The following KANSL1L variants were observed in gnomAD, a reference collection of about 807,000 sequenced individuals.
KANSL1L encodes KAT8 regulatory NSL complex subunit 1-like protein.
Under a neutral mutation model 108.6 loss-of-function variants are expected in KANSL1L, and 25 were observed. The ratio of observed to expected loss-of-function variants is 0.23; its 90% CI spans 0.17 to 0.32. KANSL1L has a LOEUF of 0.32. Among genes scored for constraint, KANSL1L ranks in the 10% least tolerant of loss-of-function variants. The pLI is 1.00. For missense variants in KANSL1L, 1,137 were observed against 1,125.7 expected, an observed-to-expected ratio of 1.01 and a Z score of -0.14; for synonymous variants, 405 against 395.1, an observed-to-expected ratio of 1.03 and a Z score of -0.30.
chr2:210,023,029 G>A lies in KANSL1L; in HGVS notation c.2884C>T (p.His962Tyr), dbSNP rs1303646556. The change falls in exon 15 of 15, where the codon CAT becomes TAT. Residue 962 changes from histidine (H) to tyrosine (Y), a missense_variant. His to Tyr is a moderately conservative substitution (Grantham distance 83). Coordinates refer to ENST00000281772, the MANE Select transcript of KANSL1L (RefSeq NM_152519.4). ...ATTCCATCTGACTGCTTTTTTGGAT[G>A]GTGGCCATTCTCTGGTACACTGGTA... ...FGTSVPENGH[H>Y]PKKQSDGMEE... The A allele has an allele frequency of 1.2e-6, 2 of 1,613,722 alleles. No homozygotes were observed. Among genetic ancestry groups the A allele is most frequent in the Admixed American group, 1.7e-5 (1 of 59,986 alleles).
chr2:210,113,550 A>G (rs1186038715), intron 3 of KANSL1L, among the ~76,000 whole-genome samples: 1 of 152,182 alleles, frequency 6.6e-6, no homozygotes, highest in African/African-American at 2.4e-5. Flanking sequence ...GAAACAGGAA[A>G]AATGGAGCAT....
chr2:210,049,096 T>A (rs1363687904), intron 6 of KANSL1L, among the ~76,000 whole-genome samples: 1 of 152,152 alleles, frequency 6.6e-6, no homozygotes, highest in Non-Finnish European at 1.5e-5. Context: ...AGCCGGCCAT[T>A]GGAGACTCTT....
intron 2 of KANSL1L, among the ~76,000 whole-genome samples, chr2:210,138,639 T>C (rs1002930723): frequency 7.2e-5 from 11 of 152,214 alleles, no homozygotes; most frequent in Non-Finnish European, 1.2e-4. Context: ...ATATTACATA[T>C]TTATGGTGTA....
chr2:210,038,348 G>A (rs947412081), intron 8 of KANSL1L, among the ~76,000 whole-genome samples: 6 of 151,894 alleles, frequency 4.0e-5, no homozygotes, highest in East Asian at 1.9e-4. Flanking sequence ...AAAAAAATAC[G>A]TAGTTTAAAC....
intron 2 of KANSL1L, among the ~76,000 whole-genome samples, chr2:210,129,800 G>A (rs1191621673): frequency 6.6e-6 from 1 of 151,844 alleles, no homozygotes; most frequent in Non-Finnish European, 1.5e-5. Context: ...CTGATTCCTA[G>A]GATTCACAAC....
chr2:210,153,907 G>C lies in KANSL1L; in HGVS notation c.676C>G (p.His226Asp). 6.2e-7 allele frequency: 1 copy of C among 1,613,242 alleles called. No homozygotes were observed. Among genetic ancestry groups the C allele is most frequent in the Non-Finnish European group, 8.5e-7 (1 of 1,179,894 alleles). Residue 226 changes from histidine (H) to aspartate (D), a missense_variant, in exon 2 of 15, where the codon CAT becomes GAT. His to Asp is a moderately conservative substitution (Grantham distance 81). Around this residue, in one of 3 missense-constraint regions of KANSL1L, gnomAD observed 556 missense variants for 537.7 expected, o/e 1.03. Transcript: ENST00000281772. The stretch of plus-strand genomic sequence containing the variant: ...AAAATTTTCTGTTTGCTTACACAAT[G>C]AAGTAAACGAGCATGTACTTCCTCC... The part of the protein sequence containing the change: ...KEEEVHARLL[H>D]CVSKQKILLS...
intron 1 of KANSL1L, among the ~76,000 whole-genome samples, chr2:210,165,347 G>T (rs535220687): frequency 6.6e-6 from 1 of 151,810 alleles, no homozygotes; most frequent in Admixed American, 6.6e-5. Flanking sequence ...GTGTATCTCC[G>T]GTTTTTTTAA....
At chr2:210,170,396 A>C (rs1688264041) in intron 1 of KANSL1L, 1 of 985,368 alleles carries the variant, frequency 1.0e-6, no homozygotes, top group African/African-American at 1.7e-5. Context: ...AAACATTACA[A>C]GAACGTCCAT....
chr2:210,078,036 A>C (rs1044661470), intron 5 of KANSL1L, among the ~76,000 whole-genome samples: 7 of 152,254 alleles, frequency 4.6e-5, no homozygotes, highest in African/African-American at 1.2e-4. Context: ...ACACAAACCT[A>C]GATGGTAAAG....
intron 1 of KANSL1L, among the ~76,000 whole-genome samples, chr2:210,156,964 T>C (rs2095337005): frequency 6.8e-6 from 1 of 146,826 alleles, no homozygotes; most frequent in Admixed American, 6.9e-5. Context: ...AATAAGCAAA[T>C]AGATTCCCAT....
intron 2 of KANSL1L, among the ~76,000 whole-genome samples, chr2:210,133,568 C>G (rs1402156799): frequency 6.6e-6 from 1 of 151,906 alleles, no homozygotes; most frequent in Non-Finnish European, 1.5e-5. Context: ...CACTCTTTAT[C>G]ATCACCTTTT....
At chr2:210,111,440 T>C (rs1000876485) in intron 3 of KANSL1L, among the ~76,000 whole-genome samples, 3 of 152,156 alleles carry the variant, frequency 2.0e-5, no homozygotes, top group Non-Finnish European at 4.4e-5. Flanking sequence ...GGCAAAACTA[T>C]AGCAATAGAA....
chr2:210,102,443 A>G (rs1484934849), intron 4 of KANSL1L, among the ~76,000 whole-genome samples: 2 of 152,238 alleles, frequency 1.3e-5, no homozygotes, highest in African/African-American at 4.8e-5. Flanking sequence ...AAGCAATGGC[A>G]ACAAAAGCCA....
chr2:210,133,675 A>T (rs534272087), intron 2 of KANSL1L, among the ~76,000 whole-genome samples: 7 of 152,176 alleles, frequency 4.6e-5, no homozygotes, highest in African/African-American at 1.7e-4. Flanking sequence ...TTCCTAATAC[A>T]AACATGTATA....
chr2:210,102,796 TCATTAA>T (rs1218625521), intron 4 of KANSL1L, among the ~76,000 whole-genome samples: 1 of 152,142 alleles, frequency 6.6e-6, no homozygotes, highest in African/African-American at 2.4e-5. Flanking sequence ...AGAATGGTGA[TCATTAA>T]CAAGTCAGGA....
chr2:210,028,066 TAAG>T (rs995044895), intron 11 of KANSL1L, among the ~76,000 whole-genome samples: 2 of 152,218 alleles, frequency 1.3e-5, no homozygotes, highest in African/African-American at 4.8e-5. Context: ...TTTATATTCT[TAAG>T]AAGCTGCATT....
At chr2:210,035,173 A>G (rs2094083951) in intron 8 of KANSL1L, 1 of 152,258 alleles carries the variant, frequency 6.6e-6, no homozygotes, top group Non-Finnish European at 1.5e-5. Context: ...TGCAGTTGTC[A>G]GATCTCATTA....
chr2:210,068,165 C>T (rs1479804331), intron 6 of KANSL1L, among the ~76,000 whole-genome samples: 2 of 152,114 alleles, frequency 1.3e-5, no homozygotes, highest in African/African-American at 2.4e-5. Flanking sequence ...CGTGAGCCAC[C>T]GCGCCCGGCT....
At chr2:210,064,319 A>C (rs1481969790) in intron 6 of KANSL1L, 2 of 152,196 alleles carry the variant, frequency 1.3e-5, no homozygotes, top group East Asian at 3.9e-4. Context: ...CCTGACACAT[A>C]ATTGCTTAAT....
Sources: allele counts gnomAD v4.1 joint callset (sites outside exome capture counted in the v4.1 genomes callset), GRCh38; gene constraint gnomAD v4.1.1; regional missense constraint gnomAD v4.1.1; transcripts MANE v1.5; gene names NCBI Gene and HGNC (gene_info 2026-07-23, HGNC 2026-07-21).